The following CCDC180 variants were observed in gnomAD, a reference collection of about 807,000 sequenced individuals.
The protein encoded by CCDC180 is coiled-coil domain-containing protein 180.
In CCDC180, 154 loss-of-function variants were observed where a neutral mutation model predicts 209.2. The observed-to-expected ratio is 0.74, with a 90% confidence interval of 0.65 to 0.84. CCDC180 has a LOEUF of 0.84. Ranked by LOEUF, CCDC180 falls within the 40% of genes least tolerant of loss-of-function variation. CCDC180 has a pLI of 0.00. For missense variants in CCDC180, 1,874 were observed against 1,997.3 expected, an observed-to-expected ratio of 0.94 and a Z score of 1.18; for synonymous variants, 778 against 749.1, an observed-to-expected ratio of 1.04 and a Z score of -0.63.
chr9:97,362,690 C>T (rs1826799840), intron 28 of CCDC180, among the ~76,000 whole-genome samples: 1 of 152,186 alleles, frequency 6.6e-6, no homozygotes, highest in Non-Finnish European at 1.5e-5. Flanking sequence ...AGATGGCTTT[C>T]CTGGAGAGAC....
chr9:97,323,508 G>A (rs747868214), intron 12 of CCDC180, among the ~76,000 whole-genome samples: 2 of 152,148 alleles, frequency 1.3e-5, no homozygotes, highest in Non-Finnish European at 2.9e-5. Context: ...TGGTAAGACT[G>A]TAAGTGATGC....
chr9:97,343,534 A>G lies in CCDC180; in HGVS notation c.2469A>G (p.Pro823=), dbSNP rs1826153573. ...SAKFIEQVTI[P]SRLILEIKKQ... ...AGTTCATAGAACAAGTGACAATTCC[A>G]TCGAGACTAATTTTAGAAATTAAGA... The change falls in exon 19 of 37, where the codon CCA becomes CCG. Residue 823 remains proline, a synonymous_variant. Transcript: ENST00000529487. The G allele has an allele frequency of 1.2e-6, 2 of 1,613,626 alleles. No individual in the cohort carries two copies. Among genetic ancestry groups the G allele is most frequent in the Non-Finnish European group, 8.5e-7 (1 of 1,179,572 alleles).
At chr9:97,343,007 A>G (rs1014601840) in intron 18 of CCDC180, among the ~76,000 whole-genome samples, 2 of 152,242 alleles carry the variant, frequency 1.3e-5, no homozygotes, top group African/African-American at 2.4e-5. Flanking sequence ...TATGTAATAG[A>G]AAAGAGGGCT....
chr9:97,347,708 C>A, intron 20 of CCDC180: 1 of 514,224 alleles, frequency 1.9e-6, no homozygotes, highest in Non-Finnish European at 3.4e-6. Context: ...TTCTCATTTC[C>A]ATTTTTTTTT....
rs1385867073 is a variant in CCDC180, at chr9:97,361,259, C to G, written c.3484-467C>G. The stretch of plus-strand genomic sequence containing the variant: ...TCACTCAGCCTGGCATTCACTCCTC[C>G]ATCCATTTGGTCAAAAACATTGACC... On this transcript the variant is annotated intron_variant, in intron 26 of 36. Transcript: ENST00000529487. 2.0e-5 allele frequency among the ~76,000 whole-genome samples: 3 copies of G among 152,252 alleles called. No homozygotes were observed. The East Asian group carries it at 5.8e-4, about 29-fold the overall frequency.
Position 97,366,071 on chromosome 9 carries a change from G to A in CCDC180, c.4047+332G>A, listed in dbSNP as rs985886307. On this transcript the variant is annotated intron_variant, in intron 30 of 36. Coordinates refer to ENST00000529487, the MANE Select transcript of CCDC180 (RefSeq NM_020893.6). The surrounding 1 kb of genome is among the most constrained non-coding windows in gnomAD (Gnocchi z 4.3). ...ACCTGGCGGGGGCACAGAAAGAGGT[G>A]GGGCAGTGGGACCAGGCACCAGACA... Among the ~76,000 whole-genome samples the A allele has an allele frequency of 1.3e-5, 2 of 152,202 alleles. No homozygotes were observed. The highest frequency in any genetic ancestry group is 4.8e-5 in the African/African-American group (2 of 41,452).
chr9:97,367,392 A>G (rs962488329), intron 31 of CCDC180, among the ~76,000 whole-genome samples: 28 of 152,034 alleles, frequency 1.8e-4, no homozygotes, highest in African/African-American at 6.5e-4. Context: ...GAACTGGGCC[A>G]GGACCCAGCC....
chr9:97,371,349 A>G (rs1411386889), intron 33 of CCDC180: 1 of 344,126 alleles, frequency 2.9e-6, no homozygotes, highest in Non-Finnish European at 5.2e-6. Context: ...GTCTAGTTTT[A>G]TTTCCTCTTC....
chr9:97,362,461 G>A lies in CCDC180; in HGVS notation c.3902+20G>A. Reference sequence around the variant, plus strand: ...AGGCAGGTAGGACACAAAGCAGCCAGAATCGCCCCTTCCCAGTCCATCCCC... The same window carrying A: ...AGGCAGGTAGGACACAAAGCAGCCAAAATCGCCCCTTCCCAGTCCATCCCC... On this transcript the variant is annotated intron_variant, in intron 28 of 36. Transcript: ENST00000529487. 1 of 1,607,762 alleles carries A rather than the reference G, an allele frequency of 6.2e-7. No individual in the cohort carries two copies. The highest frequency in any genetic ancestry group is 8.5e-7 in the Non-Finnish European group (1 of 1,176,280).
intron 16 of CCDC180, among the ~76,000 whole-genome samples, chr9:97,329,473 A>G (rs1825660636): frequency 6.6e-6 from 1 of 152,246 alleles, no homozygotes; most frequent in South Asian, 2.1e-4. Context: ...TCTCAGGATC[A>G]TGTAAATCAT....
intron 24 of CCDC180, among the ~76,000 whole-genome samples, chr9:97,355,949 C>T (rs546215843): frequency 3.3e-5 from 5 of 152,112 alleles, no homozygotes; most frequent in South Asian, 4.2e-4. Flanking sequence ...AGAGCACCAG[C>T]GGGCAGACAG....
chr9:97,345,132 G>A (rs1379855138), intron 19 of CCDC180, among the ~76,000 whole-genome samples: 1 of 152,120 alleles, frequency 6.6e-6, no homozygotes, highest in Non-Finnish European at 1.5e-5. Flanking sequence ...CCAATTTGGG[G>A]ATATACCAAT....
intron 11 of CCDC180, among the ~76,000 whole-genome samples, chr9:97,320,848 A>C (rs1477231750): frequency 6.6e-6 from 1 of 152,228 alleles, no homozygotes; most frequent in Non-Finnish European, 1.5e-5. Flanking sequence ...TTTTCACTGT[A>C]AATGGCAGAG....
chr9:97,323,240 C>T (rs746585465), intron 12 of CCDC180, among the ~76,000 whole-genome samples: 3 of 152,178 alleles, frequency 2.0e-5, no homozygotes, highest in Non-Finnish European at 2.9e-5. Context: ...ATGAAGTGTG[C>T]GCTCTCAGAT....
At chr9:97,375,648 G>A in intron 36 of CCDC180, 59 bp downstream of exon 36, 1 of 1,606,070 alleles carries the variant, frequency 6.2e-7, no homozygotes, top group Middle Eastern at 2.0e-4. Flanking sequence ...GCTGCCTTGG[G>A]AAGGGGGAGC....
intron 12 of CCDC180, among the ~76,000 whole-genome samples, 199 bp from the exon 13 acceptor site, chr9:97,323,582 C>T (rs944233211): frequency 6.6e-6 from 1 of 152,204 alleles, no homozygotes; most frequent in African/African-American, 2.4e-5. Context: ...TGGGGAGCCT[C>T]CCGAGAGCTC....
At chr9:97,309,279 C>G in intron 2 of CCDC180, 135 bp from the exon 3 acceptor site, 2 of 735,054 alleles carry the variant, frequency 2.7e-6, no homozygotes, top group South Asian at 4.1e-5. Flanking sequence ...TGACCTGGGG[C>G]TGAAGGCCTC....
chr9:97,322,284 A>G (rs1179080750), intron 11 of CCDC180, among the ~76,000 whole-genome samples: 1 of 152,148 alleles, frequency 6.6e-6, no homozygotes, highest in Admixed American at 6.5e-5. Flanking sequence ...CCCTGGACAA[A>G]GAACAACCAC....
At chr9:97,367,974 A>G (rs541972933) in intron 31 of CCDC180, among the ~76,000 whole-genome samples, 5 of 152,276 alleles carry the variant, frequency 3.3e-5, no homozygotes, top group African/African-American at 1.2e-4. Context: ...ATTTCCCCCA[A>G]GTGATCTCTG....
Sources: gnomAD v4.1 joint callset for allele counts (sites outside exome capture counted in the v4.1 genomes callset) on GRCh38, gnomAD v4.1.1 for gene constraint, Gnocchi (gnomAD v3.1) non-coding constraint, MANE v1.5 for transcripts, NCBI Gene and HGNC (gene_info 2026-07-23, HGNC 2026-07-21) for gene names.